CAMK1D: variants seen among roughly 807,000 people sequenced by gnomAD.
The protein encoded by CAMK1D is calcium/calmodulin dependent protein kinase ID, also known as calcium/calmodulin-dependent protein kinase type 1D.
A neutral mutation model predicts 47.7 loss-of-function variants in CAMK1D; 9 were observed. That is an observed-to-expected ratio of 0.19 (90% CI 0.11 to 0.33). The LOEUF is 0.33. CAMK1D is among the 10% of genes least tolerant of loss of function. The pLI is 1.00. For missense variants in CAMK1D, 291 were observed against 488.7 expected, an observed-to-expected ratio of 0.60 and a Z score of 3.81; for synonymous variants, 184 against 184.9, an observed-to-expected ratio of 0.99 and a Z score of 0.04.
chr10:12,427,700 G>GTTTTTTTTGTTTTTTTTTT (rs1840285327), intron 1 of CAMK1D, among the ~76,000 whole-genome samples: 1 of 31,042 alleles, frequency 3.2e-5, no homozygotes, highest in African/African-American at 1.1e-4. Context: ...TGAACTTACT[G>GTTTTTTTTGTTTTTTTTTT]TTTTTTTTTT....
chr10:12,792,697 GC>G (rs1286136611), intron 6 of CAMK1D, among the ~76,000 whole-genome samples: 1 of 152,184 alleles, frequency 6.6e-6, no homozygotes, highest in East Asian at 1.9e-4. Context: ...AGGTAACAGT[GC>G]CTGTAGATTC....
chr10:12,583,679 G>A (rs1837730864), intron 2 of CAMK1D, among the ~76,000 whole-genome samples: 1 of 150,374 alleles, frequency 6.7e-6, no homozygotes, highest in Admixed American at 6.6e-5. Context: ...TCAGCTCACT[G>A]CAACCTCCGC....
At chr10:12,613,127 C>T (rs1838680854) in intron 2 of CAMK1D, among the ~76,000 whole-genome samples, 1 of 152,182 alleles carries the variant, frequency 6.6e-6, no homozygotes, top group Non-Finnish European at 1.5e-5. Flanking sequence ...TCCAAGAACT[C>T]AATTTATAGC....
intron 1 of CAMK1D, among the ~76,000 whole-genome samples, chr10:12,535,734 C>T (rs192282436): frequency 1.3e-5 from 2 of 152,288 alleles, no homozygotes; most frequent in Admixed American, 6.5e-5. Context: ...AGTTCTCTTG[C>T]CTCTGAGTTC....
Position 12,362,194 on chromosome 10 carries a change from C to T in CAMK1D, c.92+12284C>T, listed in dbSNP as rs560191091. 7.0e-4 allele frequency among the ~76,000 whole-genome samples: 107 copies of T among 152,276 alleles called. 1 individual carries two copies. The highest frequency in any genetic ancestry group is 4.3e-3 in the Admixed American group (66 of 15,300). ...CCATCGCCACCATCCATCTCCAGAACTCTTTCATCTTCCCACATTGAACCT... is the reference window on the plus strand; with the variant it reads ...CCATCGCCACCATCCATCTCCAGAATTCTTTCATCTTCCCACATTGAACCT... On this transcript the variant is annotated intron_variant, in intron 1 of 10. Transcript: ENST00000619168.
intron 1 of CAMK1D, among the ~76,000 whole-genome samples, chr10:12,506,810 G>A (rs543414198): frequency 4.9e-4 from 74 of 152,286 alleles, no homozygotes; most frequent in Non-Finnish European, 6.9e-4. Context: ...GAGCCACCGC[G>A]CCCGGCCTGG....
rs1356433139 is a variant in CAMK1D at position 12,518,491 on chromosome 10, T to A, written c.93-34734T>A. 2.0e-4 allele frequency among the ~76,000 whole-genome samples: 7 copies of A among 34,466 alleles called. 1 individual carries two copies. The highest frequency in any genetic ancestry group is 5.9e-4 in the African/African-American group (6 of 10,152). 22.6% of individuals were successfully genotyped at this position (34,466 alleles called of 152,430 possible). A position where few individuals can be genotyped will look rare whatever the true frequency, so the allele number is the denominator to read the frequency against. On this transcript the variant is annotated intron_variant, in intron 1 of 10. Coordinates refer to ENST00000619168, the MANE Select transcript of CAMK1D (RefSeq NM_153498.4). ...TTCATTCTTTTTTTATTTTTTATTT[T>A]TTATTTTTTTTTTTTATTGATCATT...
chr10:12,810,151 T>TAAA lies in CAMK1D; in HGVS notation c.642-4029_642-4027dup, dbSNP rs749675063. On this transcript the variant is annotated intron_variant, in intron 6 of 10. Transcript: ENST00000619168. ...GTGACAGAGAGAGACCCTGTCTCAT[T>TAAA]AAAAAAAAAAAAAAAAAGGCGTTAG... Among the ~76,000 whole-genome samples, 53 of 81,418 alleles carry TAAA rather than the reference T, an allele frequency of 6.5e-4. 1 individual carries two copies. Among genetic ancestry groups the TAAA allele is most frequent in the African/African-American group, 2.9e-3 (48 of 16,332 alleles). 53.4% of individuals were successfully genotyped at this position (81,418 alleles called of 152,430 possible). A position where few individuals can be genotyped will look rare whatever the true frequency, so the allele number is the denominator to read the frequency against.
At chr10:12,531,039 C>T (rs1221763109) in intron 1 of CAMK1D, among the ~76,000 whole-genome samples, 1 of 141,154 alleles carries the variant, frequency 7.1e-6, no homozygotes, top group African/African-American at 2.7e-5. Flanking sequence ...GCCTGGAAGA[C>T]AGGGTGAGAC....
At chr10:12,725,632 G>A (rs766043729) in intron 3 of CAMK1D, among the ~76,000 whole-genome samples, 2 of 152,118 alleles carry the variant, frequency 1.3e-5, no homozygotes, top group East Asian at 3.9e-4. Context: ...CTCTCATTTC[G>A]GCATCTTGCA....
chr10:12,467,595 T>C (rs1297291731), intron 1 of CAMK1D, among the ~76,000 whole-genome samples: 1 of 152,198 alleles, frequency 6.6e-6, no homozygotes, highest in Non-Finnish European at 1.5e-5. Context: ...ATTAAAAAAA[T>C]GAAATTGTCA....
Position 12,414,490 on chromosome 10 carries a change from C to T in CAMK1D, c.92+64580C>T, listed in dbSNP as rs1248725862. Among the ~76,000 whole-genome samples, 34 of 152,098 alleles carry T rather than the reference C, an allele frequency of 2.2e-4. 1 individual carries two copies. The highest frequency in any genetic ancestry group is 2.1e-3 in the Admixed American group (32 of 15,270). On this transcript the variant is annotated intron_variant, in intron 1 of 10. Coordinates refer to ENST00000619168, the MANE Select transcript of CAMK1D (RefSeq NM_153498.4). ...GTTTCTGATCTGCCATGTTATCTGT[C>T]GTGTCTGAATTTCTCATAGTCAGTG...
intron 3 of CAMK1D, among the ~76,000 whole-genome samples, chr10:12,732,050 TG>T (rs1338500440): frequency 1.3e-5 from 2 of 152,132 alleles, no homozygotes; most frequent in African/African-American, 4.8e-5. Context: ...GAGAACAGCC[TG>T]ACCAGCATGG....
At chr10:12,396,476 T>A (rs1329142549) in intron 1 of CAMK1D, among the ~76,000 whole-genome samples, 4 of 152,240 alleles carry the variant, frequency 2.6e-5, no homozygotes, top group Non-Finnish European at 1.5e-5. Context: ...AGTCTCTGGC[T>A]TAACCCCCTT....
chr10:12,644,112 T>C (rs1324637098), intron 2 of CAMK1D, among the ~76,000 whole-genome samples: 1 of 152,166 alleles, frequency 6.6e-6, no homozygotes, highest in South Asian at 2.1e-4. Context: ...CCCTGAGCCC[T>C]GTCCTGGTCC....
intron 3 of CAMK1D, among the ~76,000 whole-genome samples, chr10:12,739,685 G>T (rs1176318068): frequency 6.6e-6 from 1 of 152,076 alleles, no homozygotes; most frequent in Non-Finnish European, 1.5e-5. Flanking sequence ...GGTGGAGTTT[G>T]GGATGACATT....
In CAMK1D at chr10:12,729,875, T is replaced by C. The variant is rs1296048657; in HGVS notation, c.300-31073T>C. Among the ~76,000 whole-genome samples, 3 of 152,090 alleles carry C rather than the reference T, an allele frequency of 2.0e-5. No homozygotes were observed. In the East Asian group the frequency reaches 5.8e-4, roughly 30 times the overall value. ...AGCGGAAGGCTGGTGCAGCTAATGCTGGTGAGGTCGGGGACAAAAGACAGA... is the reference window on the plus strand; with the variant it reads ...AGCGGAAGGCTGGTGCAGCTAATGCCGGTGAGGTCGGGGACAAAAGACAGA... On this transcript the variant is annotated intron_variant, in intron 3 of 10. Coordinates refer to ENST00000619168, the MANE Select transcript of CAMK1D (RefSeq NM_153498.4).
intron 2 of CAMK1D, among the ~76,000 whole-genome samples, chr10:12,565,975 G>A (rs2132301726): frequency 6.6e-6 from 1 of 152,204 alleles, no homozygotes; most frequent in South Asian, 2.1e-4. Context: ...AGAAAGGCAG[G>A]ATACAGTGTG....
intron 1 of CAMK1D, among the ~76,000 whole-genome samples, chr10:12,446,966 C>T (rs1218949712): frequency 6.6e-6 from 1 of 152,114 alleles, no homozygotes; most frequent in Non-Finnish European, 1.5e-5. Flanking sequence ...TAGGGAGTGT[C>T]CCAACTGGCA....
Sources: gnomAD v4.1 joint callset for allele counts (sites outside exome capture counted in the v4.1 genomes callset) on GRCh38, gnomAD v4.1.1 for gene constraint, MANE v1.5 for transcripts, NCBI Gene and HGNC (gene_info 2026-07-23, HGNC 2026-07-21) for gene names.